The following GABRG1 variants were observed in gnomAD, a reference collection of about 807,000 sequenced individuals.
The protein encoded by GABRG1 is gamma-aminobutyric acid type A receptor subunit gamma1.
GABRG1 carries 49 observed loss-of-function variants against 49.8 expected under a neutral mutation model. That is an observed-to-expected ratio of 0.98 (90% CI 0.78 to 1.25). The LOEUF is 1.25. GABRG1 is among the 50% of genes most tolerant of loss of function. The pLI, the probability that GABRG1 is intolerant of heterozygous loss-of-function variation, is 0.00. For synonymous variants in GABRG1, 232 were observed against 185.1 expected, an observed-to-expected ratio of 1.25 and a Z score of -2.06; for missense variants, 552 against 552.3, an observed-to-expected ratio of 1.00 and a Z score of 0.01.
chr4:46,078,482 G>T (rs1218488152), intron 3 of GABRG1, among the ~76,000 whole-genome samples: 3 of 151,968 alleles, frequency 2.0e-5, no homozygotes, highest in Admixed American at 6.6e-5. Flanking sequence ...GACAGAGAAA[G>T]GGAGGGTGGC....
At chr4:46,043,704 TGAATA>T (rs1199715047) in intron 8 of GABRG1, among the ~76,000 whole-genome samples, 1 of 152,030 alleles carries the variant, frequency 6.6e-6, no homozygotes, top group African/African-American at 2.4e-5. Flanking sequence ...GCAACATAAT[TGAATA>T]GAATATTCTA....
intron 5 of GABRG1, among the ~76,000 whole-genome samples, chr4:46,059,311 C>T (rs1718578734): frequency 6.6e-6 from 1 of 152,028 alleles, no homozygotes; most frequent in African/African-American, 2.4e-5. Context: ...TATGGAGTAG[C>T]TGGGTCATGG....
Position 46,062,868 on chromosome 4 carries a change from C to A in GABRG1, c.625+1573G>T, listed in dbSNP as rs527409769. 6.5e-4 allele frequency among the ~76,000 whole-genome samples: 99 copies of A among 152,080 alleles called. 1 individual carries two copies. The highest frequency in any genetic ancestry group is 3.1e-3 in the Admixed American group (48 of 15,252). Reference sequence around the variant, plus strand: ...CAAAAATCACAAGCATTCTTATACACCAATAACAGACAAACAGAGAGCCAA... The same window carrying A: ...CAAAAATCACAAGCATTCTTATACAACAATAACAGACAAACAGAGAGCCAA... On this transcript the variant is annotated intron_variant, in intron 5 of 8. Coordinates refer to ENST00000295452, the MANE Select transcript of GABRG1 (RefSeq NM_173536.4).
intron 7 of GABRG1, 103 bp downstream of exon 7, chr4:46,058,114 A>G (rs1718521589): frequency 2.8e-6 from 3 of 1,081,686 alleles, no homozygotes; most frequent in South Asian, 4.3e-5. Context: ...TCCTGACTGT[A>G]GTCTAGAAGA....
intron 3 of GABRG1, among the ~76,000 whole-genome samples, chr4:46,076,362 CATATATATAT>C (rs1203391424): frequency 8.0e-4 from 63 of 78,710 alleles, no homozygotes; most frequent in Non-Finnish European, 1.2e-3. Flanking sequence ...AGGTCATGTT[CATATATATAT>C]ATATATATAT....
At chr4:46,111,423 C>A (rs12504178) in intron 1 of GABRG1, among the ~76,000 whole-genome samples, 64,788 of 150,796 alleles carry the variant, frequency 0.43, 14,391 homozygotes, top group Non-Finnish European at 0.49. Flanking sequence ...TCGGACAAAG[C>A]AATTTACACA....
chr4:46,118,815 A>C (rs1299512718), intron 1 of GABRG1, among the ~76,000 whole-genome samples: 1 of 151,062 alleles, frequency 6.6e-6, no homozygotes, highest in South Asian at 2.1e-4. Flanking sequence ...AATAAAAAAA[A>C]CTATAAATTT....
chr4:46,046,588 A>G (rs1409821495), intron 8 of GABRG1, among the ~76,000 whole-genome samples: 2 of 152,110 alleles, frequency 1.3e-5, no homozygotes, highest in African/African-American at 4.8e-5. Flanking sequence ...TGAGAGGTAG[A>G]CAAATGTTTA....
In GABRG1 at chr4:46,058,600, A is replaced by T. The variant is rs1028522758; in HGVS notation, c.648T>A (p.Ile216=). ...CGGAGGGCTTTTTCCACTTATACTC[A>T]ATTTCATTTTTAGGGTATCCATCTA... ...FSSYGYPKNE[I]EYKWKKPSVE... is the part of the protein sequence containing the mutation. Residue 216 remains isoleucine (I), a synonymous_variant, in exon 6 of 9, where the codon ATT becomes ATA. Coordinates refer to ENST00000295452, the MANE Select transcript of GABRG1 (RefSeq NM_173536.4). 2.5e-6 allele frequency: 4 copies of T among 1,612,376 alleles called. No homozygotes were observed. Among genetic ancestry groups the T allele is most frequent in the Non-Finnish European group, 3.4e-6 (4 of 1,179,034 alleles).
At chr4:46,077,526 A>G (rs1457272140) in intron 3 of GABRG1, among the ~76,000 whole-genome samples, 1 of 151,938 alleles carries the variant, frequency 6.6e-6, no homozygotes, top group African/African-American at 2.4e-5. Flanking sequence ...TATTTCTTTT[A>G]TAATAAAAAA....
At chr4:46,101,559 C>G (rs1256703538) in intron 1 of GABRG1, among the ~76,000 whole-genome samples, 1 of 151,480 alleles carries the variant, frequency 6.6e-6, no homozygotes, top group Non-Finnish European at 1.5e-5. Flanking sequence ...AGAGATAATA[C>G]CGTGTACTAA....
intron 2 of GABRG1, among the ~76,000 whole-genome samples, chr4:46,096,626 C>A (rs1720171132): frequency 6.6e-6 from 1 of 151,574 alleles, no homozygotes; most frequent in Admixed American, 6.6e-5. Flanking sequence ...TGTGTTTTCA[C>A]ATCACACATA....
chr4:46,107,290 T>G (rs1262207343), intron 1 of GABRG1, among the ~76,000 whole-genome samples: 1 of 151,282 alleles, frequency 6.6e-6, no homozygotes, highest in Non-Finnish European at 1.5e-5. Context: ...TCAGCAAAAG[T>G]TTTATGAAAT....
At position 46,041,208 on chromosome 4, in the gene GABRG1, T is replaced by G. The variant is rs750265202; in HGVS notation, c.1178A>C (p.Asn393Thr). 7 of 1,612,832 alleles carry G rather than the reference T, an allele frequency of 4.3e-6. No homozygotes were observed. Among genetic ancestry groups the G allele is most frequent in the Non-Finnish European group, 5.9e-6 (7 of 1,179,216 alleles). ...HPGSTLIPMN[N>T]ISVPQEDDYG... Reference sequence around the variant, plus strand: ...ATCATCTTCTTGCGGCACAGAAATATTATTCATTGGAATCAGAGTGGATCC... The same window carrying G: ...ATCATCTTCTTGCGGCACAGAAATAGTATTCATTGGAATCAGAGTGGATCC... Residue 393 changes from asparagine (N) to threonine (T), a missense_variant, in exon 9 of 9, where the codon AAT (asparagine) becomes ACT (threonine). By Grantham distance (65) the Asn-to-Thr change is moderately conservative. Coordinates refer to ENST00000295452, the MANE Select transcript of GABRG1 (RefSeq NM_173536.4).
At chr4:46,107,576 C>G (rs1720591956) in intron 1 of GABRG1, among the ~76,000 whole-genome samples, 1 of 150,880 alleles carries the variant, frequency 6.6e-6, no homozygotes, top group South Asian at 2.1e-4. Flanking sequence ...CTATCTCCCT[C>G]TCTTTTTTTC....
At chr4:46,123,355 C>T (rs541851228) in intron 1 of GABRG1, among the ~76,000 whole-genome samples, 1 of 151,996 alleles carries the variant, frequency 6.6e-6, no homozygotes, top group East Asian at 1.9e-4. Context: ...TTACCAAAAA[C>T]GAGGAAAGGG....
Position 46,037,517 on chromosome 4 carries a change from C to A in GABRG1, c.*3471G>T, listed in dbSNP as rs2109387507. ...ATGATGTGAAGAAAACTTGGTAGGT[C>A]AGAAATAAATGTTTCTAGTGAGACA... On this transcript the variant is annotated 3_prime_UTR_variant, in exon 9 of 9. Transcript: ENST00000295452. 1 of 151,664 alleles carries A rather than the reference C, an allele frequency of 6.6e-6. No homozygotes were observed. The highest frequency in any genetic ancestry group is 2.1e-4 in the South Asian group (1 of 4,812). 9.4% of individuals were successfully genotyped at this position (151,664 alleles called of 1,614,324 possible). A position where few individuals can be genotyped will look rare whatever the true frequency, so the allele number is the denominator to read the frequency against.
chr4:46,088,807 G>T (rs1389285243), intron 2 of GABRG1, among the ~76,000 whole-genome samples: 2 of 144,374 alleles, frequency 1.4e-5, no homozygotes, highest in South Asian at 2.2e-4. Context: ...GTGTGTGTTT[G>T]TGTGTGTTTG....
intron 1 of GABRG1, among the ~76,000 whole-genome samples, chr4:46,099,237 T>A (rs554655053): frequency 1.3e-5 from 2 of 151,814 alleles, no homozygotes; most frequent in East Asian, 3.9e-4. Flanking sequence ...TCTGACCCTG[T>A]GATTGACTTG....
Sources: gnomAD v4.1 joint callset for allele counts (sites outside exome capture counted in the v4.1 genomes callset) on GRCh38, gnomAD v4.1.1 for gene constraint, MANE v1.5 for transcripts, NCBI Gene and HGNC (gene_info 2026-07-23, HGNC 2026-07-21) for gene names.